OPTN: variants seen among roughly 807,000 people sequenced by gnomAD.
OPTN encodes the protein optineurin.
OPTN carries 54 observed loss-of-function variants against 70.4 expected under a neutral mutation model. That is an observed-to-expected ratio of 0.77 (90% CI 0.62 to 0.96). The LOEUF is 0.96. Ranked by LOEUF, OPTN falls within the 40% of genes least tolerant of loss-of-function variation. The pLI is 0.00. For synonymous variants in OPTN, 256 were observed against 248.5 expected (o/e 1.03, Z -0.28); for missense variants, 624 against 673.2 (o/e 0.93, Z 0.81).
chr10:13,123,637 T>C (rs1833400015), intron 8 of OPTN, among the ~76,000 whole-genome samples: 1 of 152,114 alleles, frequency 6.6e-6, no homozygotes, highest in African/African-American at 2.4e-5. Flanking sequence ...GAAGAGAGTA[T>C]GGGGGCAAGT....
At position 13,127,734 on chromosome 10, in the gene OPTN, T is replaced by G. The variant is rs371605680; in HGVS notation, c.1243-11T>G. 4.7e-5 allele frequency: 76 copies of G among 1,613,276 alleles called. No individual in the cohort carries two copies. The African/African-American group carries it at 9.7e-4, about 21-fold the overall frequency. The stretch of plus-strand genomic sequence containing the variant: ...TCAAAACCATTTCTAGAATAAATGT[T>G]TCTTTTTCAGTCAGAAAAAGTGGAC... On this transcript the variant is annotated splice_polypyrimidine_tract_variant and intron_variant, in intron 11 of 14. Transcript: ENST00000378747.
rs1833438351 is a variant in OPTN, at chr10:13,125,495, A to G, written c.1076A>G (p.Lys359Arg). ...AAGCAAGAGCTTGTTTATACTAACAAAAAGTTAGAGCTACAAGTGGAAAGC... is the reference window on the plus strand; with the variant it reads ...AAGCAAGAGCTTGTTTATACTAACAGAAAGTTAGAGCTACAAGTGGAAAGC... ...NEKQELVYTN[K>R]KLELQVESML... Residue 359 changes from lysine (K) to arginine (R), a missense_variant, in exon 10 of 15, where the codon AAA (lysine) becomes AGA (arginine). By Grantham distance (26) the Lys-to-Arg change is conservative. Coordinates refer to ENST00000378747, the MANE Select transcript of OPTN (RefSeq NM_001008212.2). The G allele has an allele frequency of 1.9e-6, 3 of 1,614,078 alleles. No homozygotes were observed. The highest frequency in any genetic ancestry group is 1.3e-5 in the African/African-American group (1 of 74,942).
At position 13,125,958 on chromosome 10, in the gene OPTN, T is replaced by C; in HGVS notation, c.1161T>C (p.Thr387=). 6.2e-7 allele frequency: 1 copy of C among 1,608,378 alleles called. No homozygotes were observed. The highest frequency in any genetic ancestry group is 8.5e-7 in the Non-Finnish European group (1 of 1,174,838). Residue 387 remains threonine, a synonymous_variant, in exon 11 of 15, where the codon ACT becomes ACC. Transcript: ENST00000378747. ...TCTTTTTTAATAGGTCCAAATTAAC[T>C]GTGCTACAGATGACACACAACAAGC... is the stretch of plus-strand genomic sequence containing the variant. ...AKTEDEKSKL[T]VLQMTHNKLL... is the part of the protein sequence containing the mutation.
chr10:13,126,880 C>A (rs1417009634), intron 11 of OPTN, among the ~76,000 whole-genome samples: 2 of 152,038 alleles, frequency 1.3e-5, no homozygotes, highest in African/African-American at 4.8e-5. Flanking sequence ...AAAGAGTTAA[C>A]CAAGTGTGAT....
At chr10:13,101,852 G>C (rs1175365519) in intron 1 of OPTN, among the ~76,000 whole-genome samples, 1 of 152,170 alleles carries the variant, frequency 6.6e-6, no homozygotes, top group Non-Finnish European at 1.5e-5. Context: ...GGCATGCTGA[G>C]TTTGTCACCT....
chr10:13,128,549 GGCATTT>G (rs1833523523), intron 12 of OPTN, among the ~76,000 whole-genome samples: 1 of 47,190 alleles, frequency 2.1e-5, no homozygotes. Flanking sequence ...TGGTTTGCCT[GGCATTT>G]TTTTTGAGAC....
intron 10 of OPTN, among the ~76,000 whole-genome samples, 187 bp from the exon 11 acceptor site, chr10:13,125,759 G>A (rs1833444298): frequency 6.6e-6 from 1 of 152,148 alleles, no homozygotes; most frequent in African/African-American, 2.4e-5. Context: ...TATGCTGATT[G>A]TTTGCACTCT....
intron 14 of OPTN, among the ~76,000 whole-genome samples, chr10:13,135,172 C>G (rs896587520): frequency 2.0e-5 from 3 of 152,144 alleles, no homozygotes; most frequent in Non-Finnish European, 4.4e-5. Flanking sequence ...AAAGTCTAGG[C>G]TGAGTCCAAA....
chr10:13,110,177 C>G, intron 3 of OPTN, 97 bp from the exon 4 acceptor site: 3 of 1,563,068 alleles, frequency 1.9e-6, no homozygotes, highest in Non-Finnish European at 2.6e-6. Context: ...TCTTTCAATT[C>G]AGAGCCATGT....
In OPTN at chr10:13,116,359, G is replaced by A. The variant is rs779188905; in HGVS notation, c.626+19G>A. ...CTGGCACGTATGTGAAGGAAGACTC[G>A]GGCTGTCAGGCAGACAGGCTGGGCA... is the stretch of plus-strand genomic sequence containing the variant. On this transcript the variant is annotated intron_variant, in intron 6 of 14. Coordinates refer to ENST00000378747, the MANE Select transcript of OPTN (RefSeq NM_001008212.2). 5 of 1,596,922 alleles carry A rather than the reference G, an allele frequency of 3.1e-6. No individual in the cohort carries two copies. Among genetic ancestry groups the A allele is most frequent in the South Asian group, 2.2e-5 (2 of 90,692 alleles).
At chr10:13,102,874 C>T (rs952266374) in intron 1 of OPTN, among the ~76,000 whole-genome samples, 6 of 151,492 alleles carry the variant, frequency 4.0e-5, no homozygotes, top group East Asian at 1.9e-4. Flanking sequence ...ACCTGGGAGG[C>T]GGAGGTTGCA....
chr10:13,105,547 T>A (rs973273228), intron 1 of OPTN, among the ~76,000 whole-genome samples: 21 of 152,162 alleles, frequency 1.4e-4, no homozygotes, highest in African/African-American at 4.6e-4. Flanking sequence ...TCAGAAACAC[T>A]GATGTAACAA....
At chr10:13,115,452 CTA>C (rs1564359808) in intron 5 of OPTN, among the ~76,000 whole-genome samples, 15 of 88,294 alleles carry the variant, frequency 1.7e-4, no homozygotes, top group African/African-American at 8.8e-4. Context: ...ATAATATATT[CTA>C]TATTATATAA....
chr10:13,135,633 A>G (rs1474678262), intron 14 of OPTN, among the ~76,000 whole-genome samples: 1 of 152,012 alleles, frequency 6.6e-6, no homozygotes, highest in East Asian at 1.9e-4. Flanking sequence ...GGCACACAGC[A>G]GTGTCTTTAT....
intron 5 of OPTN, among the ~76,000 whole-genome samples, chr10:13,113,960 G>A (rs1328831058): frequency 6.6e-6 from 1 of 152,104 alleles, no homozygotes; most frequent in African/African-American, 2.4e-5. Flanking sequence ...AGCTACTCAG[G>A]AGGCTGAGGC....
At chr10:13,119,731 C>T (rs1167255736) in intron 7 of OPTN, among the ~76,000 whole-genome samples, 1 of 152,194 alleles carries the variant, frequency 6.6e-6, no homozygotes, top group Non-Finnish European at 1.5e-5. Context: ...ACTGTTTTCA[C>T]TTTGACTTCA....
rs948666234 is a variant in OPTN, at chr10:13,120,268, G to A, written c.779+1228G>A. ...CTCCCAAAGCGCTGGGATTACAGGCGTGAGCCACCGCGCCCGGCTGATCTG... is the reference window on the plus strand; with the variant it reads ...CTCCCAAAGCGCTGGGATTACAGGCATGAGCCACCGCGCCCGGCTGATCTG... On this transcript the variant is annotated intron_variant, in intron 7 of 14. Transcript: ENST00000378747. Among the ~76,000 whole-genome samples, 15 of 152,054 alleles carry A rather than the reference G, an allele frequency of 9.9e-5. No homozygotes were observed. The South Asian group carries it at 1.5e-3, about 15-fold the overall frequency.
chr10:13,125,941 A>G lies in OPTN; in HGVS notation c.1149-5A>G. On this transcript the variant is annotated splice_region_variant and splice_polypyrimidine_tract_variant and intron_variant, in intron 10 of 14. Transcript: ENST00000378747. Reference sequence around the variant, plus strand: ...GATTCCATTTTTTAATATCTTTTTTAATAGGTCCAAATTAACTGTGCTACA... The same window carrying G: ...GATTCCATTTTTTAATATCTTTTTTGATAGGTCCAAATTAACTGTGCTACA... 6.3e-7 allele frequency: 1 copy of G among 1,592,838 alleles called. No homozygotes were observed. The highest frequency in any genetic ancestry group is 1.1e-5 in the South Asian group (1 of 90,572).
Position 13,138,292 on chromosome 10 carries a change from G to A in OPTN, c.*1426G>A. The A allele has an allele frequency of 5.6e-6, 1 of 177,992 alleles. No homozygotes were observed. Among genetic ancestry groups the A allele is most frequent in the Non-Finnish European group, 1.2e-5 (1 of 82,792 alleles). 11.0% of individuals were successfully genotyped at this position (177,992 alleles called of 1,614,324 possible). ...TAAAGCATTTAAGAAAAAATTAAAAGATCTCTTTTGTTTAAATTTGTCTTA... is the reference window on the plus strand; with the variant it reads ...TAAAGCATTTAAGAAAAAATTAAAAAATCTCTTTTGTTTAAATTTGTCTTA... On this transcript the variant is annotated 3_prime_UTR_variant, in exon 15 of 15. Coordinates refer to ENST00000378747, the MANE Select transcript of OPTN (RefSeq NM_001008212.2).
Sources: allele counts gnomAD v4.1 joint callset (sites outside exome capture counted in the v4.1 genomes callset), GRCh38; gene constraint gnomAD v4.1.1; transcripts MANE v1.5; gene names NCBI Gene and HGNC (gene_info 2026-07-23, HGNC 2026-07-21).